The following CAST variants were observed in gnomAD, a reference collection of about 807,000 sequenced individuals.
CAST encodes calpastatin, also known as MIR583 host.
CAST carries 76 observed loss-of-function variants against 119.6 expected under a neutral mutation model. The observed-to-expected ratio is 0.64, with a 90% CI of 0.53 to 0.77. The LOEUF is 0.77. Among genes scored for constraint, CAST ranks in the 30% least tolerant of loss-of-function variants. CAST has a pLI of 0.00. For synonymous variants in CAST, 319 were observed against 331.6 expected (o/e 0.96, Z 0.41); for missense variants, 953 against 946.5 (o/e 1.01, Z -0.09).
the CAST span, among the ~76,000 whole-genome samples, chr5:96,436,805 G>T: frequency 1.3e-5 from 2 of 151,968 alleles, no homozygotes; most frequent in Non-Finnish European, 2.9e-5. Flanking sequence ...ACTGATATTG[G>T]GGTTACCACT....
At chr5:96,767,727 A>G (rs1303737826) in intron 28 of CAST, among the ~76,000 whole-genome samples, 180 bp from the exon 29 acceptor site, 1 of 152,192 alleles carries the variant, frequency 6.6e-6, no homozygotes, top group African/African-American at 2.4e-5. Context: ...GATGGAAAAA[A>G]AGCCATCAAG....
chr5:96,724,878 A>G (rs1581137180), intron 4 of CAST, among the ~76,000 whole-genome samples: 2 of 152,194 alleles, frequency 1.3e-5, no homozygotes, highest in East Asian at 1.9e-4. Context: ...AGAGATCATG[A>G]AAACCAAAGA....
the CAST span, among the ~76,000 whole-genome samples, chr5:96,131,842 C>A: frequency 6.4e-4 from 98 of 152,186 alleles, no homozygotes; most frequent in Non-Finnish European, 2.8e-4. Context: ...TCAAATCATA[C>A]ACAGGGAGGA....
the CAST span, among the ~76,000 whole-genome samples, chr5:96,480,147 G>C: frequency 2.6e-5 from 4 of 152,206 alleles, no homozygotes; most frequent in Non-Finnish European, 5.9e-5. Flanking sequence ...AGTAAAGAAA[G>C]ATGATTCTAT....
chr5:96,245,808 G>A, the CAST span, among the ~76,000 whole-genome samples: 1 of 152,142 alleles, frequency 6.6e-6, no homozygotes, highest in African/African-American at 2.4e-5. Context: ...CAGCTGGGGG[G>A]ACTTACGGCA....
the CAST span, among the ~76,000 whole-genome samples, chr5:96,294,669 T>C: frequency 6.6e-6 from 1 of 152,238 alleles, no homozygotes; most frequent in African/African-American, 2.4e-5. Flanking sequence ...CTAAGTGATA[T>C]GTTTATATAC....
the CAST span, among the ~76,000 whole-genome samples, chr5:96,199,906 G>A: frequency 3.5e-3 from 538 of 152,172 alleles, 2 homozygotes; most frequent in African/African-American, 0.012. Context: ...TTCTCCGGTA[G>A]CCTTCTCTTT....
intron 1 of CAST, among the ~76,000 whole-genome samples, chr5:96,627,508 C>G (rs1449416876): frequency 6.6e-6 from 1 of 152,146 alleles, no homozygotes; most frequent in Non-Finnish European, 1.5e-5. Context: ...CAAAGTCAGA[C>G]ATTTTTTGAT....
At chr5:96,072,528 AT>A in the CAST span, among the ~76,000 whole-genome samples, 1 of 152,248 alleles carries the variant, frequency 6.6e-6, no homozygotes, top group East Asian at 1.9e-4. Flanking sequence ...CATGAAACCC[AT>A]TTGTCTCTTT....
At chr5:96,626,515 G>A (rs183944846) in intron 1 of CAST, among the ~76,000 whole-genome samples, 522 of 152,042 alleles carry the variant, frequency 3.4e-3, no homozygotes, top group Non-Finnish European at 4.7e-3. Flanking sequence ...GCATGGATGC[G>A]CTCCCTCCTG....
the CAST span, among the ~76,000 whole-genome samples, chr5:96,350,442 T>A: frequency 6.6e-6 from 1 of 152,170 alleles, no homozygotes; most frequent in South Asian, 2.1e-4. Flanking sequence ...TTCTGTCCTT[T>A]GTCCCCCACC....
chr5:95,972,446 T>C, the CAST span, among the ~76,000 whole-genome samples: 3 of 152,282 alleles, frequency 2.0e-5, no homozygotes, highest in East Asian at 5.8e-4. Flanking sequence ...TAGTATCTCA[T>C]TGTGGTTTTG....
chr5:96,449,831 C>T, the CAST span, among the ~76,000 whole-genome samples: 2 of 152,150 alleles, frequency 1.3e-5, no homozygotes, highest in African/African-American at 4.8e-5. Flanking sequence ...GGTGTGAGAA[C>T]CCTTCACCAT....
chr5:96,002,512 C>T, the CAST span, among the ~76,000 whole-genome samples: 2 of 152,170 alleles, frequency 1.3e-5, no homozygotes, highest in Non-Finnish European at 2.9e-5. Flanking sequence ...GATCCATATA[C>T]TGGATCTTAT....
intron 1 of CAST, among the ~76,000 whole-genome samples, chr5:96,553,588 C>T (rs1047851524): frequency 5.3e-5 from 8 of 152,098 alleles, no homozygotes; most frequent in African/African-American, 1.9e-4. Context: ...TAAAGGTATT[C>T]AAAGAAGTAG....
the CAST span, among the ~76,000 whole-genome samples, chr5:96,389,674 G>T: frequency 2.3e-4 from 35 of 152,282 alleles, no homozygotes; most frequent in African/African-American, 8.2e-4. Context: ...AGTAGCTGAT[G>T]CCTGTAATCC....
At chr5:96,599,974 A>AAAAAAAAAAAAACAAAAC (rs1460109288) in intron 1 of CAST, among the ~76,000 whole-genome samples, 16 of 125,734 alleles carry the variant, frequency 1.3e-4, no homozygotes, top group Non-Finnish European at 2.0e-4. Flanking sequence ...GGCAAAAAAA[A>AAAAAAAAAAAAACAAAAC]AAAAAAAAAC....
intron 1 of CAST, among the ~76,000 whole-genome samples, chr5:96,639,334 G>T (rs1190132313): frequency 2.0e-5 from 3 of 152,308 alleles, no homozygotes; most frequent in African/African-American, 7.2e-5. Flanking sequence ...CATTGAGCCT[G>T]ACTGAGGGGT....
chr5:96,056,688 G>C, the CAST span, among the ~76,000 whole-genome samples: 4 of 152,160 alleles, frequency 2.6e-5, no homozygotes, highest in African/African-American at 9.7e-5. Context: ...CTGAGATGGG[G>C]AAAGTTTTAT....
Sources: gnomAD v4.1 joint callset for allele counts (sites outside exome capture counted in the v4.1 genomes callset) on GRCh38, gnomAD v4.1.1 for gene constraint, MANE v1.5 for transcripts, NCBI Gene and HGNC (gene_info 2026-07-23, HGNC 2026-07-21) for gene names.